RBFOX3: variants seen among roughly 807,000 people sequenced by gnomAD.
RBFOX3 encodes RNA binding protein fox-1 homolog 3.
A neutral mutation model predicts 48.7 loss-of-function variants in RBFOX3; 17 were observed. The ratio of observed to expected loss-of-function variants is 0.35; its 90% confidence interval spans 0.24 to 0.52. The LOEUF (loss-of-function observed/expected upper bound fraction) is 0.52, where lower values mean the gene tolerates loss of function less well. Among genes scored for constraint, RBFOX3 ranks in the 20% least tolerant of loss-of-function variants. RBFOX3 has a pLI of 0.94. For synonymous variants in RBFOX3, 212 were observed against 209.5 expected, an observed-to-expected ratio of 1.01 and a Z score of -0.10; for missense variants, 382 against 497.5, an observed-to-expected ratio of 0.77 and a Z score of 2.21.
At chr17:79,101,545 G>C (rs1239837250) in intron 9 of RBFOX3, 39 bp downstream of exon 9, 9 of 1,527,610 alleles carry the variant, frequency 5.9e-6, no homozygotes, top group Non-Finnish European at 8.0e-6. Context: ...GTCCCAGCCA[G>C]TGACCCCAGC....
chr17:79,106,002 T>C (rs1043877857), intron 6 of RBFOX3, among the ~76,000 whole-genome samples: 4 of 152,168 alleles, frequency 2.6e-5, no homozygotes, highest in Admixed American at 6.5e-5. Context: ...GGGGCAGCCC[T>C]GCACGTTCTC....
chr17:79,351,748 T>C (rs1235478527), intron 2 of RBFOX3, among the ~76,000 whole-genome samples: 3 of 152,214 alleles, frequency 2.0e-5, no homozygotes, highest in African/African-American at 7.2e-5. Flanking sequence ...TCATCTGAGA[T>C]ATGATGTGCA....
Position 79,103,924 on chromosome 17 carries a change from G to A in RBFOX3, c.414+149C>T. The A allele has an allele frequency of 6.0e-6, 4 of 671,624 alleles. No homozygotes were observed. Among genetic ancestry groups the A allele is most frequent in the South Asian group, 3.6e-5 (2 of 56,094 alleles). The allele number at this position is 671,624 out of a possible 1,614,324, so 41.6% of individuals were successfully genotyped here. A position where few individuals can be genotyped will look rare whatever the true frequency, so the allele number is the denominator to read the frequency against. ...CAGCTGGGGTGGGGGCGGGGCGGGT[G>A]GGGGCGGAAGAGCGGGGAATACAAG... On this transcript the variant is annotated intron_variant, in intron 7 of 14. Transcript: ENST00000693108. This position sits in a 1 kb window ranked among gnomAD's most constrained non-coding sequence, Gnocchi z 6.1.
At chr17:79,585,422 T>C (rs2093217709) in intron 1 of RBFOX3, among the ~76,000 whole-genome samples, 1 of 151,746 alleles carries the variant, frequency 6.6e-6, no homozygotes, top group African/African-American at 2.4e-5. Context: ...CTGGGTATGG[T>C]TGCAGGAGCC....
chr17:79,318,832 G>A (rs541082607), intron 2 of RBFOX3, among the ~76,000 whole-genome samples: 3 of 117,708 alleles, frequency 2.5e-5, no homozygotes, highest in East Asian at 4.7e-4. Flanking sequence ...TCCAGCCTGG[G>A]TGACAGAGCG....
chr17:79,182,952 G>A (rs1043813428), intron 4 of RBFOX3, among the ~76,000 whole-genome samples: 3 of 95,710 alleles, frequency 3.1e-5, no homozygotes, highest in African/African-American at 7.8e-5. Context: ...GAGAACCCCC[G>A]CCCCCTCCCC....
chr17:79,350,237 G>T (rs185588942), intron 2 of RBFOX3, among the ~76,000 whole-genome samples: 1 of 152,042 alleles, frequency 6.6e-6, no homozygotes, highest in Non-Finnish European at 1.5e-5. Context: ...CCGGCTCTGC[G>T]CCCCATCCCG....
In RBFOX3 at chr17:79,252,527, G is replaced by A. The variant is rs1418463483; in HGVS notation, c.-73-16722C>T. 6.6e-6 allele frequency among the ~76,000 whole-genome samples: 1 copy of A among 152,192 alleles called. No homozygotes were observed. Among genetic ancestry groups the A allele is most frequent in the Non-Finnish European group, 1.5e-5 (1 of 68,034 alleles). On this transcript the variant is annotated intron_variant, in intron 3 of 14. Coordinates refer to ENST00000693108, the MANE Select transcript of RBFOX3 (RefSeq NM_001350451.2). This position sits in a 1 kb window ranked among gnomAD's most constrained non-coding sequence, Gnocchi z 4.0. ...AGGAGTTCGGGGGCCTCTAGAGGCT[G>A]GAACAGGGAGGCAGTGGACTCTCCC...
chr17:79,401,277 C>T (rs2062772019), intron 2 of RBFOX3, among the ~76,000 whole-genome samples: 2 of 152,242 alleles, frequency 1.3e-5, no homozygotes, highest in African/African-American at 4.8e-5. Flanking sequence ...AGCCACGCCC[C>T]TGCGCACGCT....
At chr17:79,493,593 A>T (rs1266527718) in intron 1 of RBFOX3, among the ~76,000 whole-genome samples, 11 of 151,866 alleles carry the variant, frequency 7.2e-5, no homozygotes, top group African/African-American at 2.7e-4. Context: ...GGAGTCCCCA[A>T]CCCCAGTTTC....
intron 4 of RBFOX3, among the ~76,000 whole-genome samples, chr17:79,142,989 A>C (rs912739422): frequency 3.1e-4 from 47 of 152,152 alleles, no homozygotes; most frequent in Non-Finnish European, 6.2e-4. Context: ...AGGGAGGCCC[A>C]GGACAGGGAC....
intron 2 of RBFOX3, among the ~76,000 whole-genome samples, chr17:79,404,374 A>C (rs2148472258): frequency 6.6e-6 from 1 of 152,330 alleles, no homozygotes; most frequent in Non-Finnish European, 1.5e-5. Flanking sequence ...GAGGGATGCA[A>C]GGAGTTGGGA....
intron 1 of RBFOX3, among the ~76,000 whole-genome samples, chr17:79,580,300 T>C (rs1195410490): frequency 8.1e-6 from 1 of 122,840 alleles, no homozygotes; most frequent in Non-Finnish European, 1.6e-5. Context: ...CTCCTCCTCC[T>C]TCTTCTCCTC....
intron 5 of RBFOX3, among the ~76,000 whole-genome samples, chr17:79,112,385 C>G (rs1004490071): frequency 6.6e-6 from 1 of 152,110 alleles, no homozygotes; most frequent in African/African-American, 2.4e-5. Context: ...TGGATGAACA[C>G]GGACTTCCCA....
At chr17:79,175,401 G>T (rs544007307) in intron 4 of RBFOX3, among the ~76,000 whole-genome samples, 4 of 152,336 alleles carry the variant, frequency 2.6e-5, no homozygotes, top group African/African-American at 7.2e-5. Flanking sequence ...CTGTCATAAC[G>T]GCTTCAGATG....
rs906559438 is a variant in RBFOX3 at position 79,220,217 on chromosome 17, C to T, written c.-34+15549G>A. Among the ~76,000 whole-genome samples the T allele has an allele frequency of 8.5e-5, 13 of 152,102 alleles. No individual in the cohort carries two copies. The highest frequency in any genetic ancestry group is 2.1e-4 in the South Asian group (1 of 4,828). ...TCATCATTTCGGAACCGCGGCTCCA[C>T]AGCAGGCTCCCGGGGAGGAGGGGAG... On this transcript the variant is annotated intron_variant, in intron 4 of 14. Coordinates refer to ENST00000693108, the MANE Select transcript of RBFOX3 (RefSeq NM_001350451.2). The surrounding 1 kb of genome is among the most constrained non-coding windows in gnomAD (Gnocchi z 5.9).
chr17:79,563,444 C>A (rs2092333001), intron 1 of RBFOX3, among the ~76,000 whole-genome samples: 1 of 152,212 alleles, frequency 6.6e-6, no homozygotes, highest in African/African-American at 2.4e-5. Context: ...ATGAAGGCAG[C>A]CACTTCTCAG....
At chr17:79,318,877 AAAAG>A (rs1223345100) in intron 2 of RBFOX3, among the ~76,000 whole-genome samples, 2 of 129,238 alleles carry the variant, frequency 1.5e-5, no homozygotes, top group African/African-American at 2.9e-5. Flanking sequence ...AAAAAAAAAA[AAAAG>A]GGATGGAGGG....
At chr17:79,546,541 A>G (rs1296394033) in intron 1 of RBFOX3, among the ~76,000 whole-genome samples, 26 of 142,188 alleles carry the variant, frequency 1.8e-4, no homozygotes, top group South Asian at 2.2e-4. Flanking sequence ...CGGCTTCCCA[A>G]TGGCCTGTCT....
Sources: gnomAD v4.1 joint callset for allele counts (sites outside exome capture counted in the v4.1 genomes callset) on GRCh38, gnomAD v4.1.1 for gene constraint, Gnocchi (gnomAD v3.1) non-coding constraint, MANE v1.5 for transcripts, NCBI Gene and HGNC (gene_info 2026-07-23, HGNC 2026-07-21) for gene names.